The following KIF24 variants were observed in gnomAD, a reference collection of about 807,000 sequenced individuals.
KIF24 encodes the protein kinesin-like protein KIF24.
In KIF24, 81 loss-of-function variants were observed where a neutral mutation model predicts 118.9. That is an observed-to-expected ratio of 0.68 (90% CI 0.57 to 0.82). KIF24 has a LOEUF of 0.82. KIF24 is among the 40% of genes least tolerant of loss of function. KIF24 has a pLI of 0.00. For missense variants in KIF24, 1,560 were observed against 1,661.6 expected, an observed-to-expected ratio of 0.94 and a Z score of 1.06; for synonymous variants, 599 against 610.0, an observed-to-expected ratio of 0.98 and a Z score of 0.27.
chr9:34,276,543 T>C (rs1205206771), intron 6 of KIF24, among the ~76,000 whole-genome samples: 3 of 152,022 alleles, frequency 2.0e-5, no homozygotes, highest in Non-Finnish European at 4.4e-5. Flanking sequence ...ACTTCAACAA[T>C]AAGACATAAA....
chr9:34,330,219 CG>C (rs1837860524), upstream of KIF24, among the ~76,000 whole-genome samples: 2 of 152,084 alleles, frequency 1.3e-5, no homozygotes, highest in South Asian at 4.1e-4. Context: ...CTGGCTAACA[CG>C]GTGAAACCCC....
rs374156684 is a variant in KIF24, at chr9:34,256,175, G to A, written c.3432C>T (p.Pro1144=). 1.2e-6 allele frequency: 2 copies of A among 1,603,796 alleles called. No individual in the cohort carries two copies. The highest frequency in any genetic ancestry group is 1.7e-6 in the Non-Finnish European group (2 of 1,173,496). Residue 1144 remains proline, a synonymous_variant, in exon 11 of 13, where the codon CCC becomes CCT. Transcript: ENST00000402558. Reference sequence around the variant, plus strand: ...CCTCTCCTAGGTCTGCCTCCCTGCTGGGCAGCTTGTCAGCTGGGTGCTGAC... The same window carrying A: ...CCTCTCCTAGGTCTGCCTCCCTGCTAGGCAGCTTGTCAGCTGGGTGCTGAC... ...PIRQHPADKL[P]SREADLGEAC...
chr9:34,310,728 T>C lies in KIF24; in HGVS notation c.619A>G (p.Ile207Val), dbSNP rs761657492. ...AAGAAAGATAAAATTTATTACCTGA[T>C]ACAAGAATGAGGGATTCCATAGTTA... is the stretch of plus-strand genomic sequence containing the variant. ...GYNYGIPHSC[I>V]RQNTSEKQNP... Residue 207 changes from isoleucine to valine, a missense_variant, in exon 2 of 13, where the codon ATC becomes GTC. Ile to Val is a conservative substitution (Grantham distance 29, BLOSUM62 3). Around this residue, in one of 3 missense-constraint regions of KIF24, gnomAD observed 964 missense variants for 988.0 expected, o/e 0.98. Transcript: ENST00000402558. 1.3e-6 allele frequency: 2 copies of C among 1,580,168 alleles called. No homozygotes were observed. The highest frequency in any genetic ancestry group is 1.9e-5 in the Admixed American group (1 of 53,492).
intron 6 of KIF24, among the ~76,000 whole-genome samples, chr9:34,284,587 C>CA (rs1196367126): frequency 6.6e-6 from 1 of 151,958 alleles, no homozygotes; most frequent in Non-Finnish European, 1.5e-5. Context: ...AACAAAACAC[C>CA]AAAAAATACA....
chr9:34,266,695 A>G (rs1053527694), intron 8 of KIF24, among the ~76,000 whole-genome samples: 2 of 149,216 alleles, frequency 1.3e-5, no homozygotes, highest in Non-Finnish European at 3.0e-5. Flanking sequence ...AAAAAAAAAA[A>G]GAAAGAAAAA....
chr9:34,311,719 T>TAC lies in KIF24; in HGVS notation c.-25-349_-25-348insGT, dbSNP rs756012009. 5.6e-3 allele frequency among the ~76,000 whole-genome samples: 766 copies of TAC among 136,288 alleles called. 3 individuals are homozygous for TAC. The highest frequency in any genetic ancestry group is 0.01 in the Admixed American group (129 of 12,876). The allele number at this position is 136,288 out of a possible 152,430, so 89.4% of individuals were successfully genotyped here. A position where few individuals can be genotyped will look rare whatever the true frequency, so the allele number is the denominator to read the frequency against. On this transcript the variant is annotated intron_variant, in intron 1 of 12. Coordinates refer to ENST00000402558, the MANE Select transcript of KIF24 (RefSeq NM_194313.4). ...ATATGTACATATATACGTATATATGTATATACACGTATATATATACATATA... is the reference window on the plus strand; with the variant it reads ...ATATGTACATATATACGTATATATGTACATATACACGTATATATATACATATA...
chr9:34,332,657 T>G (rs1226591089), upstream of KIF24, among the ~76,000 whole-genome samples: 1 of 152,208 alleles, frequency 6.6e-6, no homozygotes, highest in Non-Finnish European at 1.5e-5. Context: ...CCAATATTTA[T>G]GCCATTACAG....
chr9:34,296,033 C>T (rs1366118924), intron 4 of KIF24, among the ~76,000 whole-genome samples: 9 of 147,500 alleles, frequency 6.1e-5, no homozygotes, highest in African/African-American at 2.0e-4. Context: ...TCCTGACTAA[C>T]ACAGTGAAAC....
At chr9:34,332,523 A>C (rs983182798), upstream of KIF24, among the ~76,000 whole-genome samples, 1 of 152,218 alleles carries the variant, frequency 6.6e-6, no homozygotes, top group Non-Finnish European at 1.5e-5. Flanking sequence ...CACAACAGAC[A>C]AATTCCCCGA....
At chr9:34,305,946 C>CT (rs1027344286) in intron 3 of KIF24, among the ~76,000 whole-genome samples, 2 of 151,786 alleles carry the variant, frequency 1.3e-5, no homozygotes, top group East Asian at 1.9e-4. Context: ...TTCATTCCTC[C>CT]TTTTTTTTGC....
chr9:34,297,267 T>G (rs574016204), intron 3 of KIF24, among the ~76,000 whole-genome samples, 153 bp from the exon 4 acceptor site: 137 of 152,234 alleles, frequency 9.0e-4, no homozygotes, highest in Non-Finnish European at 1.7e-3. Context: ...CACTATTAAA[T>G]GACAGGGCCT....
At chr9:34,293,780 A>C (rs1391543078) in intron 4 of KIF24, among the ~76,000 whole-genome samples, 2 of 152,234 alleles carry the variant, frequency 1.3e-5, no homozygotes, top group African/African-American at 4.8e-5. Flanking sequence ...CAAAAAAAAG[A>C]ACATGAAAAG....
At chr9:34,332,371 T>C (rs1397172498), upstream of KIF24, among the ~76,000 whole-genome samples, 1 of 152,194 alleles carries the variant, frequency 6.6e-6, no homozygotes, top group Non-Finnish European at 1.5e-5. Context: ...CCATCTTACG[T>C]TGCACAAAAC....
chr9:34,306,910 C>A (rs891660783), intron 2 of KIF24, among the ~76,000 whole-genome samples: 1 of 152,138 alleles, frequency 6.6e-6, no homozygotes, highest in Non-Finnish European at 1.5e-5. Context: ...TCTCCATCCC[C>A]ACCCTGCTCC....
chr9:34,329,580 C>T (rs1241601452), upstream of KIF24: 2 of 152,338 alleles, frequency 1.3e-5, no homozygotes, highest in African/African-American at 4.8e-5. Context: ...AGGTCCGCCT[C>T]CTACCTCCTT....
chr9:34,313,554 C>G (rs1340301558), intron 1 of KIF24, among the ~76,000 whole-genome samples: 2 of 150,164 alleles, frequency 1.3e-5, no homozygotes, highest in South Asian at 2.1e-4. Context: ...ACAAGTGATC[C>G]TCTCATCTCA....
chr9:34,326,012 A>G (rs1203925828), intron 1 of KIF24, among the ~76,000 whole-genome samples: 3 of 152,156 alleles, frequency 2.0e-5, no homozygotes, highest in African/African-American at 7.2e-5. Context: ...TTTTTGAGAG[A>G]CTTGTATGAG....
chr9:34,315,026 G>A (rs1837289017), intron 1 of KIF24, among the ~76,000 whole-genome samples: 1 of 152,096 alleles, frequency 6.6e-6, no homozygotes, highest in Admixed American at 6.6e-5. Context: ...GAGGAGGTGA[G>A]GGGAAGTAGG....
At chr9:34,291,116 G>A (rs570607938) in intron 4 of KIF24, among the ~76,000 whole-genome samples, 2 of 152,242 alleles carry the variant, frequency 1.3e-5, no homozygotes, top group African/African-American at 4.8e-5. Flanking sequence ...GAAATAACAG[G>A]AGATCATGTG....
Sources: allele counts gnomAD v4.1 joint callset (sites outside exome capture counted in the v4.1 genomes callset), GRCh38; gene constraint gnomAD v4.1.1; regional missense constraint gnomAD v4.1.1; transcripts MANE v1.5; gene names NCBI Gene and HGNC (gene_info 2026-07-23, HGNC 2026-07-21).